The following CALB2 variants were observed in gnomAD, a reference collection of about 807,000 sequenced individuals.
CALB2 encodes calbindin 2, also known as calretinin.
Under a neutral mutation model 45.9 loss-of-function variants are expected in CALB2, and 34 were observed. The ratio of observed to expected loss-of-function variants is 0.74; its 90% CI spans 0.56 to 0.99. The LOEUF is 0.99. Ranked by LOEUF, CALB2 falls within the 50% of genes least tolerant of loss-of-function variation. The probability of loss-of-function intolerance (pLI) is 0.00; values close to 1 mark genes in which losing one functional copy is unlikely to be tolerated. For synonymous variants in CALB2, 142 were observed against 129.6 expected, an observed-to-expected ratio of 1.10 and a Z score of -0.65; for missense variants, 344 against 339.3, an observed-to-expected ratio of 1.01 and a Z score of -0.11.
chr16:71,385,815 T>A (rs1434740780), intron 10 of CALB2, among the ~76,000 whole-genome samples, 167 bp downstream of exon 10: 1 of 152,192 alleles, frequency 6.6e-6, no homozygotes, highest in Admixed American at 6.5e-5. Flanking sequence ...GATTTCTGGT[T>A]GGTTGGTTGA....
intron 3 of CALB2, 28 bp downstream of exon 3, chr16:71,374,862 T>C (rs1379547259): frequency 6.6e-7 from 1 of 1,509,074 alleles, no homozygotes; most frequent in Non-Finnish European, 9.2e-7. Context: ...GGTAAAGAGC[T>C]GTGTGGGAGG....
At chr16:71,372,685 G>A (rs1274490040) in intron 2 of CALB2, among the ~76,000 whole-genome samples, 1 of 152,122 alleles carries the variant, frequency 6.6e-6, no homozygotes, top group Non-Finnish European at 1.5e-5. Context: ...GGGCTGCCCT[G>A]TGCGCTGTAG....
intron 10 of CALB2, among the ~76,000 whole-genome samples, chr16:71,388,031 GGATTACAGATATTCATGATTA>G (rs1483711607): frequency 7.2e-5 from 11 of 152,176 alleles, no homozygotes; most frequent in South Asian, 2.1e-4. Context: ...GCTCATGCTT[GGATTACAGATATTCATGATTA>G]GATTACAGAT....
chr16:71,379,804 C>G (rs2042465896), intron 4 of CALB2, among the ~76,000 whole-genome samples: 2 of 152,158 alleles, frequency 1.3e-5, no homozygotes, highest in Admixed American at 1.3e-4. Flanking sequence ...TGAGAAAGAA[C>G]CAGTTCTCAG....
intron 3 of CALB2, among the ~76,000 whole-genome samples, chr16:71,375,370 G>C (rs943517840): frequency 6.6e-6 from 1 of 152,034 alleles, no homozygotes; most frequent in African/African-American, 2.4e-5. Flanking sequence ...ATATACAGGT[G>C]CATGTCAAAC....
intron 1 of CALB2, among the ~76,000 whole-genome samples, chr16:71,364,396 C>T (rs1302520709): frequency 1.3e-5 from 2 of 152,188 alleles, no homozygotes; most frequent in South Asian, 2.1e-4. Flanking sequence ...GCTAAGGAGA[C>T]CCCTCAGGGA....
At chr16:71,369,902 A>T (rs975068636) in intron 1 of CALB2, among the ~76,000 whole-genome samples, 1 of 152,222 alleles carries the variant, frequency 6.6e-6, no homozygotes, top group African/African-American at 2.4e-5. Flanking sequence ...AACTCAGAGC[A>T]TCATCAACTA....
chr16:71,383,825 C>G (rs573908478), intron 6 of CALB2, 145 bp from the exon 7 acceptor site: 1 of 886,644 alleles, frequency 1.1e-6, no homozygotes, highest in East Asian at 2.4e-5. Flanking sequence ...CTGATTTAGC[C>G]CATGTTGGTT....
At chr16:71,363,427 G>A (rs547171574) in intron 1 of CALB2, among the ~76,000 whole-genome samples, 1 of 152,234 alleles carries the variant, frequency 6.6e-6, no homozygotes, top group East Asian at 1.9e-4. Context: ...AACAACAGAG[G>A]CCACAAAGGG....
At chr16:71,361,401 G>T (rs961404163) in intron 1 of CALB2, among the ~76,000 whole-genome samples, 3 of 152,122 alleles carry the variant, frequency 2.0e-5, no homozygotes, top group African/African-American at 7.2e-5. Flanking sequence ...GCCCAACACC[G>T]CAGTGCCTGA....
intron 1 of CALB2, among the ~76,000 whole-genome samples, chr16:71,359,324 T>C (rs1209906781): frequency 6.6e-6 from 1 of 152,154 alleles, no homozygotes; most frequent in African/African-American, 2.4e-5. Context: ...CTGGGATAAA[T>C]TAGGGGATCC....
chr16:71,372,499 A>G (rs1346111298), intron 2 of CALB2, among the ~76,000 whole-genome samples: 1 of 152,146 alleles, frequency 6.6e-6, no homozygotes, highest in Non-Finnish European at 1.5e-5. Context: ...GTATGCGTAT[A>G]TTAATATATA....
chr16:71,385,178 G>C (rs2042556391), intron 9 of CALB2, among the ~76,000 whole-genome samples: 2 of 152,132 alleles, frequency 1.3e-5, no homozygotes, highest in African/African-American at 4.8e-5. Context: ...GTCTTTCTCT[G>C]GGAAGTTGGA....
chr16:71,365,881 C>T (rs956634363), intron 1 of CALB2, among the ~76,000 whole-genome samples: 2 of 151,940 alleles, frequency 1.3e-5, no homozygotes, highest in East Asian at 1.9e-4. Context: ...CCCTTCCCCC[C>T]ATCCATTAAA....
intron 4 of CALB2, among the ~76,000 whole-genome samples, chr16:71,380,008 T>C (rs2042467759): frequency 6.6e-6 from 1 of 152,214 alleles, no homozygotes; most frequent in Non-Finnish European, 1.5e-5. Flanking sequence ...CGTATCCTTA[T>C]AACTTGTCAG....
chr16:71,375,252 T>C lies in CALB2; in HGVS notation c.261+418T>C, dbSNP rs142996621. ...ATAATTCACATCAGTAATTTACATA[T>C]ATATACATAATTTGCATATAACATA... On this transcript the variant is annotated intron_variant, in intron 3 of 10. Transcript: ENST00000302628. Among the ~76,000 whole-genome samples the C allele has an allele frequency of 2.7e-4, 41 of 152,366 alleles. 1 individual carries two copies. The East Asian group carries it at 7.5e-3, about 28-fold the overall frequency.
rs759855172 is a variant in CALB2, at chr16:71,377,721, G to A, written c.316G>A (p.Val106Met). ...CTTCCTTCTGTGCTTCAGGCAGCAC[G>A]TGGGCTCCAGCGCCGAGTTTATGGA... Reference protein sequence around the residue: ...ENFLLCFRQHVGSSAEFMEAW... With the variant: ...ENFLLCFRQHMGSSAEFMEAW... Residue 106 changes from valine to methionine, a missense_variant, in exon 4 of 11, where the codon GTG (valine) becomes ATG (methionine). Physicochemically the swap from Val to Met is conservative, Grantham distance 21. Transcript: ENST00000302628. 11 of 1,613,968 alleles carry A rather than the reference G, an allele frequency of 6.8e-6. No homozygotes were observed. Among genetic ancestry groups the A allele is most frequent in the Admixed American group, 1.7e-5 (1 of 60,024 alleles).
At chr16:71,359,175 C>A (rs957967582) in intron 1 of CALB2, among the ~76,000 whole-genome samples, 71 of 152,344 alleles carry the variant, frequency 4.7e-4, no homozygotes, top group African/African-American at 1.7e-3. Context: ...GCTGGGAAGG[C>A]CTCCAGGTTC....
At chr16:71,382,890 C>T (rs762955797) in intron 5 of CALB2, 115 bp downstream of exon 5, 16 of 865,726 alleles carry the variant, frequency 1.8e-5, no homozygotes, top group African/African-American at 5.1e-5. Flanking sequence ...TAGGAATACT[C>T]AGACCTGGCA....
Sources: allele counts gnomAD v4.1 joint callset (sites outside exome capture counted in the v4.1 genomes callset), GRCh38; gene constraint gnomAD v4.1.1; transcripts MANE v1.5; gene names NCBI Gene and HGNC (gene_info 2026-07-23, HGNC 2026-07-21).